The following SLC14A2 variants were observed in gnomAD, a reference collection of about 807,000 sequenced individuals.
SLC14A2 encodes urea transporter 2.
In SLC14A2, 91 loss-of-function variants were observed where a neutral mutation model predicts 104.6. The ratio of observed to expected loss-of-function variants is 0.87; its 90% CI spans 0.73 to 1.04. The LOEUF (loss-of-function observed/expected upper bound fraction) is 1.04. Among genes scored for constraint, SLC14A2 ranks in the 50% least tolerant of loss-of-function variants. SLC14A2 has a pLI of 0.00. For synonymous variants in SLC14A2, 476 were observed against 466.4 expected (o/e 1.02, Z -0.27); for missense variants, 1,189 against 1,156.0 (o/e 1.03, Z -0.41).
chr18:45,466,339 A>C (rs2087141644), intron 1 of SLC14A2, among the ~76,000 whole-genome samples: 1 of 151,840 alleles, frequency 6.6e-6, no homozygotes, highest in African/African-American at 2.4e-5. Context: ...GGAGGCCTGC[A>C]CCCAGGAAAC....
At chr18:45,195,323 C>A in the SLC14A2 span, among the ~76,000 whole-genome samples, 1 of 152,188 alleles carries the variant, frequency 6.6e-6, no homozygotes, top group East Asian at 1.9e-4. Context: ...ATCAAATGTG[C>A]TAAAGAATTT....
rs568326674 is a variant in SLC14A2, at chr18:45,606,549, G to A, written c.-34-18082G>A. On this transcript the variant is annotated intron_variant, in intron 2 of 20. Coordinates refer to the SLC14A2 transcript ENST00000586448. ...CTAGGAATCAGTCAGCCACAATCACGATGCCACTGTAGTTACTGCTTCTCA... is the reference window on the plus strand; with the variant it reads ...CTAGGAATCAGTCAGCCACAATCACAATGCCACTGTAGTTACTGCTTCTCA... 4.6e-5 allele frequency among the ~76,000 whole-genome samples: 7 copies of A among 152,152 alleles called. No individual in the cohort carries two copies. In the East Asian group the frequency reaches 5.8e-4, roughly 13 times the overall value.
intron 1 of SLC14A2, among the ~76,000 whole-genome samples, chr18:45,293,938 T>C (rs765560373): frequency 1.2e-4 from 19 of 152,218 alleles, no homozygotes; most frequent in Non-Finnish European, 2.2e-4. Flanking sequence ...AGAAGATAAC[T>C]GAGCGAGATG....
intron 1 of SLC14A2, among the ~76,000 whole-genome samples, chr18:45,352,492 T>C (rs1431943823): frequency 6.6e-6 from 1 of 152,200 alleles, no homozygotes; most frequent in African/African-American, 2.4e-5. Context: ...CCATTCTTCC[T>C]ATTCTATCTT....
intron 1 of SLC14A2, among the ~76,000 whole-genome samples, chr18:45,450,889 A>G (rs957754789): frequency 2.6e-5 from 4 of 152,200 alleles, no homozygotes; most frequent in Non-Finnish European, 4.4e-5. Context: ...TAAAGGGTCC[A>G]TCATTTAGCC....
chr18:45,523,894 G>A (rs2043553569), intron 2 of SLC14A2, among the ~76,000 whole-genome samples: 1 of 152,192 alleles, frequency 6.6e-6, no homozygotes. Context: ...CCTCACATCT[G>A]TCCTTTGAAG....
At chr18:45,658,118 G>T (rs572037057) in intron 10 of SLC14A2, among the ~76,000 whole-genome samples, 2 of 152,318 alleles carry the variant, frequency 1.3e-5, no homozygotes. Flanking sequence ...GCCTTGTGGT[G>T]TGTGGGTGTG....
intron 1 of SLC14A2, among the ~76,000 whole-genome samples, chr18:45,410,840 C>A (rs1332533715): frequency 6.6e-6 from 1 of 152,192 alleles, no homozygotes; most frequent in Non-Finnish European, 1.5e-5. Context: ...TTAAGAAAAC[C>A]TCCCAGTGCC....
rs753523573 is a variant in SLC14A2 at position 45,673,057 on chromosome 18, C to T, written c.2377+10C>T. On this transcript the variant is annotated intron_variant, in intron 17 of 19. Coordinates refer to ENST00000255226, the MANE Select transcript of SLC14A2 (RefSeq NM_007163.4). ...ATGGGGATGCTAGCAGGTCTGTGTCCTCACTTCCCTGGGCTGTGAGGGGGT... is the reference window on the plus strand; with the variant it reads ...ATGGGGATGCTAGCAGGTCTGTGTCTTCACTTCCCTGGGCTGTGAGGGGGT... 1.2e-6 allele frequency: 2 copies of T among 1,612,928 alleles called. No individual in the cohort carries two copies. Among genetic ancestry groups the T allele is most frequent in the African/African-American group, 1.3e-5 (1 of 74,912 alleles).
Position 45,230,331 on chromosome 18 carries a change from C to T in SLC14A2, c.-125+17140C>T, listed in dbSNP as rs140956279. 5.0e-3 allele frequency among the ~76,000 whole-genome samples: 766 copies of T among 152,296 alleles called. 3 individuals carry two copies. Among genetic ancestry groups the T allele is most frequent in the Middle Eastern group, 0.027 (8 of 294 alleles). On this transcript the variant is annotated intron_variant, in intron 1 of 20. Coordinates refer to the SLC14A2 transcript ENST00000586448. ...CTTGCATGGGCTAATATCAAGGTAACGGCAGTGTTTTGGGGGGCTTCTAGG... is the reference window on the plus strand; with the variant it reads ...CTTGCATGGGCTAATATCAAGGTAATGGCAGTGTTTTGGGGGGCTTCTAGG...
intron 1 of SLC14A2, among the ~76,000 whole-genome samples, chr18:45,321,205 A>AG (rs2085181653): frequency 6.6e-6 from 1 of 152,214 alleles, no homozygotes; most frequent in Admixed American, 6.5e-5. Context: ...TGGAATATGA[A>AG]GGGGTAGGTC....
At chr18:45,252,094 T>C (rs1287724400) in intron 1 of SLC14A2, among the ~76,000 whole-genome samples, 2 of 152,206 alleles carry the variant, frequency 1.3e-5, no homozygotes. Context: ...TGGTCTTCAT[T>C]GTGACCAGCA....
At chr18:45,505,679 C>G (rs749508597) in intron 2 of SLC14A2, among the ~76,000 whole-genome samples, 6 of 152,304 alleles carry the variant, frequency 3.9e-5, no homozygotes, top group Admixed American at 2.6e-4. Context: ...CTCGGCCCCC[C>G]GAGCACCCAC....
At chr18:45,427,835 G>A (rs955697385) in intron 1 of SLC14A2, among the ~76,000 whole-genome samples, 3 of 152,150 alleles carry the variant, frequency 2.0e-5, no homozygotes, top group Non-Finnish European at 2.9e-5. Context: ...CTGGCATCAG[G>A]TTCTAGCTTT....
the SLC14A2 span, among the ~76,000 whole-genome samples, chr18:45,170,004 CAG>C: frequency 1.3e-5 from 2 of 152,064 alleles, no homozygotes; most frequent in African/African-American, 4.8e-5. Context: ...TTAGAAGAGA[CAG>C]AGAAAAAATT....
chr18:45,237,827 C>T (rs1264547061), intron 1 of SLC14A2, among the ~76,000 whole-genome samples: 2 of 152,176 alleles, frequency 1.3e-5, no homozygotes, highest in Non-Finnish European at 2.9e-5. Context: ...GTCTGCAGGG[C>T]CCCTGGGAGT....
intron 2 of SLC14A2, among the ~76,000 whole-genome samples, chr18:45,579,959 T>G (rs544186174): frequency 2.6e-4 from 39 of 152,206 alleles, no homozygotes; most frequent in African/African-American, 9.4e-4. Context: ...AGCATGGAGT[T>G]GTGAAAAGGA....
chr18:45,562,869 G>T (rs1215259977), intron 2 of SLC14A2, among the ~76,000 whole-genome samples: 1 of 152,288 alleles, frequency 6.6e-6, no homozygotes, highest in African/African-American at 2.4e-5. Flanking sequence ...ATGTTTGCCT[G>T]CTCTGCTCTG....
At chr18:45,300,430 C>T (rs1266521325) in intron 1 of SLC14A2, among the ~76,000 whole-genome samples, 1 of 143,802 alleles carries the variant, frequency 7.0e-6, no homozygotes, top group Non-Finnish European at 1.5e-5. Flanking sequence ...TTCTGCTGAA[C>T]CCTCCCCAAA....
Sources: gnomAD v4.1 joint callset for allele counts (sites outside exome capture counted in the v4.1 genomes callset) on GRCh38, gnomAD v4.1.1 for gene constraint, MANE v1.5 for transcripts, NCBI Gene and HGNC (gene_info 2026-07-23, HGNC 2026-07-21) for gene names.